GRB14: variants seen among roughly 807,000 people sequenced by gnomAD.
GRB14 encodes the protein growth factor receptor bound protein 14, also known as growth factor receptor-bound protein 14.
A neutral mutation model predicts 69.1 loss-of-function variants in GRB14; 38 were observed. The ratio of observed to expected loss-of-function variants is 0.55; its 90% CI spans 0.42 to 0.72. The LOEUF (loss-of-function observed/expected upper bound fraction) is 0.72, where lower values mean the gene tolerates loss of function less well. Among genes scored for constraint, GRB14 ranks in the 30% least tolerant of loss-of-function variants. GRB14 has a pLI of 0.00. For synonymous variants in GRB14, 247 were observed against 241.3 expected, an observed-to-expected ratio of 1.02 and a Z score of -0.22; for missense variants, 666 against 666.1, an observed-to-expected ratio of 1.00 and a Z score of 0.00.
intron 2 of GRB14, among the ~76,000 whole-genome samples, chr2:164,586,937 G>T (rs1689553013): frequency 6.6e-6 from 1 of 152,132 alleles, no homozygotes; most frequent in South Asian, 2.1e-4. Context: ...CCCAGAAGGA[G>T]AAAACAGAAG....
At chr2:164,568,180 C>T in intron 2 of GRB14, 7 of 350,892 alleles carry the variant, frequency 2.0e-5, no homozygotes, top group South Asian at 8.9e-5. Flanking sequence ...TTAATTTTAC[C>T]TACAACTTTA....
intron 6 of GRB14, among the ~76,000 whole-genome samples, chr2:164,519,935 T>G (rs1006732296): frequency 1.3e-5 from 2 of 152,108 alleles, no homozygotes; most frequent in Non-Finnish European, 2.9e-5. Context: ...ATGACCATAC[T>G]GCCAAAAGCA....
chr2:164,555,592 TATTA>T (rs1688658633), intron 2 of GRB14, among the ~76,000 whole-genome samples: 1 of 151,482 alleles, frequency 6.6e-6, no homozygotes, highest in South Asian at 2.1e-4. Flanking sequence ...ACTAAATTAC[TATTA>T]ATTAATTAGT....
intron 3 of GRB14, among the ~76,000 whole-genome samples, chr2:164,530,995 T>C (rs1318938495): frequency 6.6e-6 from 1 of 152,084 alleles, no homozygotes. Context: ...ATGGTAGCAG[T>C]TGATGTGGTT....
intron 2 of GRB14, among the ~76,000 whole-genome samples, chr2:164,571,315 G>C (rs1521527): frequency 0.41 from 62,894 of 152,038 alleles, 14,772 homozygotes; most frequent in Non-Finnish European, 0.53. Flanking sequence ...ACTGCTGTGA[G>C]GATCAAAGGA....
intron 2 of GRB14, among the ~76,000 whole-genome samples, chr2:164,569,791 C>T (rs1283018183): frequency 6.6e-6 from 1 of 152,162 alleles, no homozygotes; most frequent in Admixed American, 6.5e-5. Flanking sequence ...TAAAAAGTCA[C>T]AGATCTATTT....
chr2:164,539,473 C>G (rs897505386), intron 3 of GRB14, among the ~76,000 whole-genome samples: 1 of 56,646 alleles, frequency 1.8e-5, no homozygotes, highest in African/African-American at 8.2e-5. Context: ...GACTCCATCT[C>G]GGAAAAAAAA....
intron 2 of GRB14, among the ~76,000 whole-genome samples, chr2:164,569,593 G>A (rs1390282739): frequency 6.6e-6 from 1 of 152,090 alleles, no homozygotes; most frequent in Non-Finnish European, 1.5e-5. Flanking sequence ...TTTCCATTTC[G>A]TTATCTTGAC....
intron 3 of GRB14, among the ~76,000 whole-genome samples, chr2:164,528,505 T>A (rs969982822): frequency 1.3e-5 from 2 of 152,132 alleles, no homozygotes; most frequent in African/African-American, 4.8e-5. Flanking sequence ...GAAAGTAATA[T>A]CATTCTTAAA....
chr2:164,604,149 C>T (rs1402169688), intron 2 of GRB14, among the ~76,000 whole-genome samples: 1 of 152,140 alleles, frequency 6.6e-6, no homozygotes, highest in South Asian at 2.1e-4. Flanking sequence ...TGGGCACAAC[C>T]ACTTTGGAGA....
rs995229020 is a variant in GRB14, at chr2:164,495,683, G to A, written c.1383-1159C>T. On this transcript the variant is annotated intron_variant, in intron 12 of 13. Coordinates refer to ENST00000263915, the MANE Select transcript of GRB14 (RefSeq NM_004490.3). ...ATTTAAAGCATCACAGATGTCTGAC[G>A]AGTTTATCCATTTCATTTGTGCTGT... 2.6e-5 allele frequency among the ~76,000 whole-genome samples: 4 copies of A among 152,316 alleles called. No homozygotes were observed. In the East Asian group the frequency reaches 5.8e-4, roughly 22 times the overall value.
intron 2 of GRB14, among the ~76,000 whole-genome samples, chr2:164,609,809 C>CA (rs1486865167): frequency 2.0e-5 from 3 of 152,040 alleles, no homozygotes; most frequent in Admixed American, 2.0e-4. Flanking sequence ...GAACTGAAGT[C>CA]AAAAACTGAA....
intron 2 of GRB14, among the ~76,000 whole-genome samples, chr2:164,604,456 T>G (rs1223028802): frequency 6.6e-6 from 1 of 152,104 alleles, no homozygotes; most frequent in Non-Finnish European, 1.5e-5. Context: ...CAATATATTT[T>G]TAAATAAATC....
rs1688420434 is a variant in GRB14, at chr2:164,547,773, T to C, written c.368A>G (p.Asp123Gly). 6.2e-7 allele frequency: 1 copy of C among 1,613,768 alleles called. No individual in the cohort carries two copies. Among genetic ancestry groups the C allele is most frequent in the Non-Finnish European group, 8.5e-7 (1 of 1,179,762 alleles). The change falls in exon 3 of 14, where the codon GAT (aspartate) becomes GGT (glycine). Residue 123 changes from aspartate to glycine, a missense_variant. By Grantham distance (94) the Asp-to-Gly change is moderately conservative. Coordinates refer to ENST00000263915, the MANE Select transcript of GRB14 (RefSeq NM_004490.3). ...TCGAGCCGTTATGTCACTGGGTACA[T>C]CTAAAGCCCTGCTGGTTTCATCTTC... ...YSEDETSRALDVPSDITARDV... is the reference protein window; with the variant it reads ...YSEDETSRALGVPSDITARDV...
intron 2 of GRB14, among the ~76,000 whole-genome samples, chr2:164,595,421 G>A (rs1167513976): frequency 3.3e-5 from 5 of 152,182 alleles, no homozygotes; most frequent in Admixed American, 3.3e-4. Flanking sequence ...GAGGCCTAAG[G>A]AGTATGTGAT....
intron 6 of GRB14, 31 bp from the exon 7 acceptor site, chr2:164,508,883 T>C: frequency 2.9e-6 from 4 of 1,398,936 alleles, no homozygotes; most frequent in Non-Finnish European, 3.9e-6. Context: ...CATGGATACA[T>C]ATTTTTGCAT....
intron 6 of GRB14, among the ~76,000 whole-genome samples, chr2:164,511,033 C>G (rs889251135): frequency 6.6e-6 from 1 of 151,850 alleles, no homozygotes; most frequent in Non-Finnish European, 1.5e-5. Context: ...CTGAACTCAG[C>G]TGACACCTAC....
intron 5 of GRB14, among the ~76,000 whole-genome samples, chr2:164,523,804 G>A (rs956833224): frequency 2.6e-5 from 4 of 152,072 alleles, no homozygotes; most frequent in African/African-American, 9.7e-5. Flanking sequence ...TCCAAAGCCT[G>A]TGATTTTTCT....
chr2:164,572,992 ATCTC>A (rs1238577045), intron 2 of GRB14, among the ~76,000 whole-genome samples: 1 of 152,194 alleles, frequency 6.6e-6, no homozygotes, highest in Non-Finnish European at 1.5e-5. Flanking sequence ...TAGGTTCATC[ATCTC>A]TCTCAAAGAC....
Sources: allele counts gnomAD v4.1 joint callset (sites outside exome capture counted in the v4.1 genomes callset), GRCh38; gene constraint gnomAD v4.1.1; transcripts MANE v1.5; gene names NCBI Gene and HGNC (gene_info 2026-07-23, HGNC 2026-07-21).